The following LAMA2 variants were observed in gnomAD, a reference collection of about 807,000 sequenced individuals.
LAMA2 encodes laminin subunit alpha-2.
Under a neutral mutation model 364.8 loss-of-function variants are expected in LAMA2, and 269 were observed. The ratio of observed to expected loss-of-function variants is 0.74; its 90% CI spans 0.67 to 0.82. The LOEUF (loss-of-function observed/expected upper bound fraction) is 0.82. LAMA2 is among the 40% of genes least tolerant of loss of function. The probability of loss-of-function intolerance (pLI) is 0.00; values close to 1 mark genes in which losing one functional copy is unlikely to be tolerated. For synonymous variants in LAMA2, 1,379 were observed against 1,370.6 expected, an observed-to-expected ratio of 1.01 and a Z score of -0.14; for missense variants, 3,807 against 3,873.2, an observed-to-expected ratio of 0.98 and a Z score of 0.45.
intron 19 of LAMA2, among the ~76,000 whole-genome samples, chr6:129,290,862 A>T (rs1319050581): frequency 6.6e-6 from 1 of 152,180 alleles, no homozygotes; most frequent in Non-Finnish European, 1.5e-5. Flanking sequence ...ATGTTTGGAG[A>T]TAGCATATAA....
At chr6:129,364,738 T>C (rs902430559) in intron 32 of LAMA2, among the ~76,000 whole-genome samples, 1 of 152,234 alleles carries the variant, frequency 6.6e-6, no homozygotes, top group Non-Finnish European at 1.5e-5. Flanking sequence ...ATGGTGAGTG[T>C]ATTAGTCCAT....
At chr6:129,282,691 C>T (rs953422526) in intron 18 of LAMA2, among the ~76,000 whole-genome samples, 6 of 152,124 alleles carry the variant, frequency 3.9e-5, no homozygotes, top group African/African-American at 1.2e-4. Flanking sequence ...GAAAGTCTCT[C>T]AACTACTTTC....
chr6:128,883,493 GAAC>G, intron 1 of LAMA2, 136 bp downstream of exon 1: 1 of 1,429,734 alleles, frequency 7.0e-7, no homozygotes, highest in African/African-American at 1.4e-5. Flanking sequence ...GGGGCAAGAG[GAAC>G]TTGAAGCAAG....
In LAMA2 at chr6:129,481,123, C is replaced by T. The variant is rs1461288471; in HGVS notation, c.7573-140C>T. 7.1e-6 allele frequency: 5 copies of T among 703,914 alleles called. No individual in the cohort carries two copies. In the Admixed American group the frequency reaches 8.9e-5, roughly 13 times the overall value. 43.6% of individuals were successfully genotyped at this position (703,914 alleles called of 1,614,324 possible). ...TAATATTTCTTCAACTGCTCTTAAACTTTCCATGTTTTCCTGCTTTCTAAA... is the reference window on the plus strand; with the variant it reads ...TAATATTTCTTCAACTGCTCTTAAATTTTCCATGTTTTCCTGCTTTCTAAA... On this transcript the variant is annotated intron_variant, in intron 54 of 64. Transcript: ENST00000421865.
intron 1 of LAMA2, among the ~76,000 whole-genome samples, chr6:129,030,624 A>C (rs1193147695): frequency 6.6e-6 from 1 of 152,186 alleles, no homozygotes; most frequent in African/African-American, 2.4e-5. Context: ...ATGGTCAATG[A>C]ACTGCATTAC....
intron 31 of LAMA2, among the ~76,000 whole-genome samples, chr6:129,351,111 C>A (rs1299436657): frequency 6.6e-6 from 1 of 152,022 alleles, no homozygotes. Context: ...ATATTTATTT[C>A]CTGTACCTTT....
At chr6:128,911,956 G>C (rs1777997145) in intron 1 of LAMA2, among the ~76,000 whole-genome samples, 3 of 152,116 alleles carry the variant, frequency 2.0e-5, no homozygotes, top group Admixed American at 2.0e-4. Context: ...AATCATTCAT[G>C]TTTTTGCATC....
At chr6:129,251,070 CTCTCTCTATATA>C (rs1410487481) in intron 13 of LAMA2, among the ~76,000 whole-genome samples, 697 of 67,514 alleles carry the variant, frequency 0.01, no homozygotes, top group Non-Finnish European at 0.017. Context: ...CTCTCTCTCT[CTCTCTCTATATA>C]TATATATATA....
chr6:129,104,634 A>G (rs1363859157), intron 4 of LAMA2, among the ~76,000 whole-genome samples: 2 of 152,166 alleles, frequency 1.3e-5, no homozygotes, highest in African/African-American at 4.8e-5. Flanking sequence ...CTATGTTCAT[A>G]TCATCACTGG....
intron 1 of LAMA2, among the ~76,000 whole-genome samples, chr6:128,906,004 T>A (rs1157259578): frequency 1.3e-5 from 2 of 150,376 alleles, no homozygotes; most frequent in Non-Finnish European, 3.0e-5. Flanking sequence ...ATGGTGTATA[T>A]GTGCCACATT....
intron 1 of LAMA2, among the ~76,000 whole-genome samples, chr6:129,011,107 A>G (rs546666148): frequency 3.3e-5 from 5 of 152,236 alleles, no homozygotes; most frequent in African/African-American, 1.2e-4. Context: ...CAGCCTCCCG[A>G]GTAGCTGGGA....
chr6:128,955,684 A>G (rs572081647), intron 1 of LAMA2, among the ~76,000 whole-genome samples: 2 of 152,116 alleles, frequency 1.3e-5, no homozygotes, highest in South Asian at 4.1e-4. Flanking sequence ...TTATTAAAAT[A>G]AGTCAATCTA....
At chr6:129,223,928 C>A (rs1383621565) in intron 12 of LAMA2, among the ~76,000 whole-genome samples, 1 of 152,012 alleles carries the variant, frequency 6.6e-6, no homozygotes, top group African/African-American at 2.4e-5. Context: ...CTATGAATTA[C>A]CTTGGGCAGT....
At chr6:128,974,879 TCTCA>T (rs919571871) in intron 1 of LAMA2, among the ~76,000 whole-genome samples, 6 of 146,660 alleles carry the variant, frequency 4.1e-5, no homozygotes, top group African/African-American at 1.0e-4. Context: ...TGAGAAGGAG[TCTCA>T]CTCTGTTGCC....
Position 129,437,590 on chromosome 6 carries a change from G to A in LAMA2, c.5969-1056G>A, listed in dbSNP as rs546220137. ...ACGCATGTCCCAAAACAATTTTTAT[G>A]GCATAAGAAACTATTAAAAATTTAC... On this transcript the variant is annotated intron_variant, in intron 41 of 64. Transcript: ENST00000421865. Among the ~76,000 whole-genome samples the A allele has an allele frequency of 5.3e-5, 8 of 151,844 alleles. No individual in the cohort carries two copies. In the East Asian group the frequency reaches 5.8e-4, roughly 11 times the overall value.
At position 129,159,108 on chromosome 6, in the gene LAMA2, A is replaced by G. The variant is rs922022033; in HGVS notation, c.1206+4425A>G. On this transcript the variant is annotated intron_variant, in intron 8 of 64. Coordinates refer to ENST00000421865, the MANE Select transcript of LAMA2 (RefSeq NM_000426.4). ...GCTCCCAATAATCTGATGTAAATGT[A>G]TAGCTGAGTCATTGTTCAATTGTAA... 47 of 1,578,280 alleles carry G rather than the reference A, an allele frequency of 3.0e-5. 1 individual carries two copies. In the Admixed American group the frequency reaches 3.0e-4, roughly 10 times the overall value.
chr6:129,431,032 CCTT>C (rs1340490190), intron 41 of LAMA2, among the ~76,000 whole-genome samples: 1 of 151,966 alleles, frequency 6.6e-6, no homozygotes, highest in Admixed American at 6.6e-5. Context: ...AGTTTTATTT[CCTT>C]CTTAATTTAT....
chr6:129,271,163 T>G (rs938582180), intron 17 of LAMA2, among the ~76,000 whole-genome samples: 9 of 152,166 alleles, frequency 5.9e-5, no homozygotes, highest in African/African-American at 2.2e-4. Context: ...TTGTGAATCT[T>G]GGGCAAGTCG....
chr6:129,319,339 G>T (rs992008276), intron 27 of LAMA2, among the ~76,000 whole-genome samples: 1 of 152,058 alleles, frequency 6.6e-6, no homozygotes, highest in Admixed American at 6.5e-5. Context: ...TTAATTGGCC[G>T]TGTCTACCTG....
Sources: gnomAD v4.1 joint callset for allele counts (sites outside exome capture counted in the v4.1 genomes callset) on GRCh38, gnomAD v4.1.1 for gene constraint, MANE v1.5 for transcripts, NCBI Gene and HGNC (gene_info 2026-07-23, HGNC 2026-07-21) for gene names.